CYTH3: variants seen among roughly 807,000 people sequenced by gnomAD.
CYTH3 encodes cytohesin-3.
CYTH3 carries 23 observed loss-of-function variants against 55.1 expected under a neutral mutation model. That is an observed-to-expected ratio of 0.42 (90% CI 0.30 to 0.59). The LOEUF is 0.59. CYTH3 is among the 20% of genes least tolerant of loss of function. The pLI is 0.20. For synonymous variants in CYTH3, 249 were observed against 194.9 expected (o/e 1.28, Z -2.31); for missense variants, 413 against 524.8 (o/e 0.79, Z 2.08).
chr7:6,175,145 T>C (rs1470283026), intron 5 of CYTH3, among the ~76,000 whole-genome samples: 1 of 152,224 alleles, frequency 6.6e-6, no homozygotes, highest in Non-Finnish European at 1.5e-5. Context: ...TTTATTTCTA[T>C]TTTTTGTAGA....
At chr7:6,187,208 G>C in intron 3 of CYTH3, 92 bp from the exon 4 acceptor site, 1 of 1,388,936 alleles carries the variant, frequency 7.2e-7, no homozygotes, top group Non-Finnish European at 1.0e-6. Flanking sequence ...CCGCAACAAC[G>C]GGCTCAAGGA....
At chr7:6,184,134 T>C (rs979030242) in intron 4 of CYTH3, among the ~76,000 whole-genome samples, 3 of 139,714 alleles carry the variant, frequency 2.1e-5, no homozygotes, top group Admixed American at 7.5e-5. Flanking sequence ...AATCTCGGCT[T>C]ACTGCAAGCT....
chr7:6,204,079 G>GA (rs1448940399), intron 1 of CYTH3, among the ~76,000 whole-genome samples: 11 of 150,446 alleles, frequency 7.3e-5, no homozygotes, highest in Admixed American at 5.3e-4. Context: ...ATATTAAGTT[G>GA]AAAAAAAATC....
Position 6,171,111 on chromosome 7 carries a change from A to AACAC in CYTH3, c.562+87_562+90dup, listed in dbSNP as rs1783177209. The AACAC allele has an allele frequency of 6.3e-7, 1 of 1,583,994 alleles. No homozygotes were observed. The highest frequency in any genetic ancestry group is 1.3e-5 in the African/African-American group (1 of 74,296). On this transcript the variant is annotated intron_variant, in intron 7 of 12. Transcript: ENST00000350796. The surrounding 1 kb of genome is among the most constrained non-coding windows in gnomAD (Gnocchi z 6.7). ...CGCTCAGGGAAGGCAGGTCCCCAGGAACACACGCTGGGCTGTGCCCACAGG... is the reference window on the plus strand; with the variant it reads ...CGCTCAGGGAAGGCAGGTCCCCAGGAACACACACACGCTGGGCTGTGCCCACAGG...
intron 4 of CYTH3, among the ~76,000 whole-genome samples, chr7:6,179,885 ACC>A (rs1783459994): frequency 4.2e-5 from 5 of 118,854 alleles, no homozygotes; most frequent in African/African-American, 1.8e-4. Flanking sequence ...CACCACACAC[ACC>A]ACACACACCC....
intron 5 of CYTH3, among the ~76,000 whole-genome samples, chr7:6,174,579 G>A (rs1164974740): frequency 9.2e-5 from 11 of 119,786 alleles, no homozygotes; most frequent in Non-Finnish European, 1.6e-4. Flanking sequence ...ACAGAGTCTC[G>A]CTCTGCTGCC....
At chr7:6,214,834 A>C in intron 1 of CYTH3, among the ~76,000 whole-genome samples, 1 of 152,234 alleles carries the variant, frequency 6.6e-6, no homozygotes, top group East Asian at 1.9e-4. Flanking sequence ...CAAAGCGAAT[A>C]TTCGCTCTGT....
chr7:6,263,429 G>A (rs565994999), intron 1 of CYTH3, among the ~76,000 whole-genome samples: 2 of 152,288 alleles, frequency 1.3e-5, no homozygotes, highest in South Asian at 4.1e-4. Flanking sequence ...ACTCACATTT[G>A]TGAGGGGAGA....
chr7:6,246,427 G>A (rs185170605), intron 1 of CYTH3, among the ~76,000 whole-genome samples: 9 of 152,078 alleles, frequency 5.9e-5, no homozygotes, highest in Non-Finnish European at 1.0e-4. Flanking sequence ...GAATTTTTGC[G>A]TGACATGACC....
intron 1 of CYTH3, among the ~76,000 whole-genome samples, chr7:6,193,665 G>A (rs1208527505): frequency 6.6e-6 from 1 of 152,182 alleles, no homozygotes; most frequent in Non-Finnish European, 1.5e-5. Context: ...CTGTGAAGGA[G>A]GGTCAACTAA....
At chr7:6,264,185 T>A (rs572852137) in intron 1 of CYTH3, among the ~76,000 whole-genome samples, 1 of 151,508 alleles carries the variant, frequency 6.6e-6, no homozygotes, top group Non-Finnish European at 1.5e-5. Flanking sequence ...AAGCGGAGGT[T>A]GCAGTGAGCC....
chr7:6,262,989 G>GT (rs1279627325), intron 1 of CYTH3, among the ~76,000 whole-genome samples: 1 of 151,988 alleles, frequency 6.6e-6, no homozygotes, highest in Non-Finnish European at 1.5e-5. Flanking sequence ...CCTCACAATA[G>GT]TTTTTTCCCC....
chr7:6,259,743 A>AATATATATATATATTATATATAT (rs1780232551), intron 1 of CYTH3, among the ~76,000 whole-genome samples: 2 of 36,192 alleles, frequency 5.5e-5, no homozygotes, highest in African/African-American at 2.9e-4. Flanking sequence ...ACATATATAT[A>AATATATATATATATTATATATAT]ATATATATAT....
chr7:6,176,017 G>A (rs1247646011), intron 5 of CYTH3, among the ~76,000 whole-genome samples: 1 of 152,068 alleles, frequency 6.6e-6, no homozygotes, highest in Non-Finnish European at 1.5e-5. Flanking sequence ...GATCAGTGTT[G>A]GAATATTGGC....
chr7:6,261,807 C>T (rs151231378), intron 1 of CYTH3, among the ~76,000 whole-genome samples: 27 of 148,922 alleles, frequency 1.8e-4, no homozygotes, highest in African/African-American at 6.4e-4. Context: ...TAATTTTTCA[C>T]ATACATTGTC....
At chr7:6,185,842 T>C (rs1223534351) in intron 4 of CYTH3, among the ~76,000 whole-genome samples, 1 of 152,138 alleles carries the variant, frequency 6.6e-6, no homozygotes, top group African/African-American at 2.4e-5. Context: ...TTACAGATCT[T>C]AGACCTTGTA....
chr7:6,221,475 A>T (rs775880767), intron 1 of CYTH3, among the ~76,000 whole-genome samples: 2 of 152,146 alleles, frequency 1.3e-5, no homozygotes, highest in Non-Finnish European at 2.9e-5. Context: ...GTGGTGATGG[A>T]ACAGTTCTGT....
chr7:6,188,008 G>GT lies in CYTH3; in HGVS notation c.118-288_118-287insA, dbSNP rs551156066. 4.9e-3 allele frequency among the ~76,000 whole-genome samples: 658 copies of GT among 135,134 alleles called. 10 individuals are homozygous for GT. Among genetic ancestry groups the GT allele is most frequent in the African/African-American group, 0.024 (611 of 25,696 alleles). 88.7% of individuals were successfully genotyped at this position (135,134 alleles called of 152,430 possible). ...GTATATAAAATCAGGCAAGCACACT[G>GT]GGGGGGGAATATCACAGCTGTGAAA... is the stretch of plus-strand genomic sequence containing the variant. On this transcript the variant is annotated intron_variant, in intron 2 of 12. Coordinates refer to ENST00000350796, the MANE Select transcript of CYTH3 (RefSeq NM_004227.4).
intron 1 of CYTH3, among the ~76,000 whole-genome samples, chr7:6,263,975 G>C (rs1017488490): frequency 1.3e-5 from 2 of 151,974 alleles, no homozygotes; most frequent in Non-Finnish European, 2.9e-5. Context: ...GGCCGGGTGC[G>C]GTTGCTCACA....
Sources: allele counts gnomAD v4.1 joint callset (sites outside exome capture counted in the v4.1 genomes callset), GRCh38; gene constraint gnomAD v4.1.1; non-coding constraint Gnocchi (gnomAD v3.1); transcripts MANE v1.5; gene names NCBI Gene and HGNC (gene_info 2026-07-23, HGNC 2026-07-21).